Variants in GNAQ observed in about 807,000 individuals in gnomAD.
The protein encoded by GNAQ is guanine nucleotide-binding protein G(q) subunit alpha.
A neutral mutation model predicts 43.9 loss-of-function variants in GNAQ; 8 were observed. That is an observed-to-expected ratio of 0.18 (90% confidence interval 0.11 to 0.33). The LOEUF is 0.33. Ranked by LOEUF, GNAQ falls within the 10% of genes least tolerant of loss-of-function variation. The pLI, the probability that GNAQ is intolerant of heterozygous loss-of-function variation, is 1.00. For synonymous variants in GNAQ, 155 were observed against 170.7 expected (o/e 0.91, Z 0.71); for missense variants, 158 against 450.8 (o/e 0.35, Z 5.88).
At chr9:77,860,268 C>T (rs1289245236) in intron 2 of GNAQ, among the ~76,000 whole-genome samples, 1 of 152,090 alleles carries the variant, frequency 6.6e-6, no homozygotes, top group Non-Finnish European at 1.5e-5. Context: ...TTTCTCTGTG[C>T]TCTCTTAGTC....
intron 1 of GNAQ, among the ~76,000 whole-genome samples, chr9:77,956,238 A>G (rs1823038882): frequency 6.6e-6 from 1 of 152,152 alleles, no homozygotes; most frequent in Non-Finnish European, 1.5e-5. Flanking sequence ...TTCATCTTAC[A>G]CTAATTAGAC....
intron 2 of GNAQ, among the ~76,000 whole-genome samples, chr9:77,861,783 C>T (rs767438511): frequency 2.0e-4 from 31 of 151,998 alleles, no homozygotes; most frequent in East Asian, 5.8e-4. Context: ...CAGGGGGTCA[C>T]GAGGTCAGGA....
At chr9:77,992,482 CT>C (rs1326103507) in intron 1 of GNAQ, among the ~76,000 whole-genome samples, 1 of 151,470 alleles carries the variant, frequency 6.6e-6, no homozygotes, top group East Asian at 1.9e-4. Flanking sequence ...CCTTCTTGGA[CT>C]TTTGAGAGAC....
chr9:77,877,001 T>A (rs938106943), intron 2 of GNAQ, among the ~76,000 whole-genome samples: 1 of 128,366 alleles, frequency 7.8e-6, no homozygotes, highest in Non-Finnish European at 1.8e-5. Flanking sequence ...CAATTAAATA[T>A]AATATAACAA....
chr9:78,004,930 G>A (rs771126243), intron 1 of GNAQ, among the ~76,000 whole-genome samples: 8 of 152,084 alleles, frequency 5.3e-5, no homozygotes, highest in Admixed American at 1.3e-4. Context: ...AAGGCAAGCA[G>A]TAAGGAATAA....
intron 6 of GNAQ, among the ~76,000 whole-genome samples, chr9:77,725,071 G>A (rs939766417): frequency 3.9e-5 from 6 of 151,942 alleles, no homozygotes; most frequent in Admixed American, 6.6e-5. Flanking sequence ...TGGGAAGGAA[G>A]GGACTATACC....
At chr9:77,982,690 A>C (rs1365817204) in intron 1 of GNAQ, among the ~76,000 whole-genome samples, 1 of 151,680 alleles carries the variant, frequency 6.6e-6, no homozygotes, top group Non-Finnish European at 1.5e-5. Context: ...ATGCATTCTC[A>C]TTAATGAATC....
chr9:77,887,141 ATAAAATAAAG>A (rs1267876241), intron 2 of GNAQ, among the ~76,000 whole-genome samples: 2 of 151,986 alleles, frequency 1.3e-5, no homozygotes, highest in African/African-American at 2.4e-5. Flanking sequence ...ATAAAGTAAA[ATAAAATAAAG>A]TAAAATAAAA....
At chr9:77,972,543 C>T (rs971275441) in intron 1 of GNAQ, among the ~76,000 whole-genome samples, 1 of 151,984 alleles carries the variant, frequency 6.6e-6, no homozygotes, top group Non-Finnish European at 1.5e-5. Flanking sequence ...TAAGTAAGTA[C>T]TAGTTACAAG....
intron 2 of GNAQ, among the ~76,000 whole-genome samples, chr9:77,834,069 CA>C (rs1827344224): frequency 6.6e-6 from 1 of 152,050 alleles, no homozygotes; most frequent in African/African-American, 2.4e-5. Flanking sequence ...TTTAGAAATT[CA>C]ATGTCTAAAT....
chr9:77,810,570 C>G (rs188635585), intron 3 of GNAQ, among the ~76,000 whole-genome samples: 92 of 152,296 alleles, frequency 6.0e-4, no homozygotes, highest in African/African-American at 2.0e-3. Context: ...TAAGGCTTTT[C>G]ATATCCCAGA....
At chr9:77,856,478 C>A (rs924561409) in intron 2 of GNAQ, among the ~76,000 whole-genome samples, 7 of 152,128 alleles carry the variant, frequency 4.6e-5, no homozygotes, top group African/African-American at 1.7e-4. Context: ...GAAACTAGGA[C>A]TTTCTTCTAG....
chr9:77,767,019 A>G (rs1416832101), intron 5 of GNAQ, among the ~76,000 whole-genome samples: 1 of 152,082 alleles, frequency 6.6e-6, no homozygotes, highest in Non-Finnish European at 1.5e-5. Context: ...GAGATTTTGG[A>G]CAAACTAAAT....
chr9:77,919,179 G>GT (rs1203743929), intron 2 of GNAQ, among the ~76,000 whole-genome samples: 1 of 152,076 alleles, frequency 6.6e-6, no homozygotes, highest in African/African-American at 2.4e-5. Context: ...CTTAGCCTCC[G>GT]TAAGTGCTAG....
In GNAQ at chr9:78,030,662, G is replaced by A. The variant is rs570217247; in HGVS notation, c.136+438C>T. ...CCCCGGCTCCGCTCGCCACCCGCTGGGCCACACACACGGCTCCCCACGCCA... is the reference window on the plus strand; with the variant it reads ...CCCCGGCTCCGCTCGCCACCCGCTGAGCCACACACACGGCTCCCCACGCCA... On this transcript the variant is annotated intron_variant, in intron 1 of 6. Transcript: ENST00000286548. 3.6e-4 allele frequency: 154 copies of A among 422,616 alleles called. 2 individuals carry two copies. The highest frequency in any genetic ancestry group is 1.7e-3 in the South Asian group (96 of 56,444). The allele number at this position is 422,616 out of a possible 1,614,324, so 26.2% of individuals were successfully genotyped here.
intron 1 of GNAQ, among the ~76,000 whole-genome samples, chr9:78,026,261 G>A (rs1424292456): frequency 6.6e-6 from 1 of 152,086 alleles, no homozygotes; most frequent in Non-Finnish European, 1.5e-5. Flanking sequence ...GTAAGGATGG[G>A]ACATTATATG....
chr9:77,786,104 G>A (rs111824750), intron 5 of GNAQ, among the ~76,000 whole-genome samples: 2,990 of 152,174 alleles, frequency 0.02, 100 homozygotes, highest in African/African-American at 0.068. Flanking sequence ...CAAGCCAGGC[G>A]CGGTGGCTCA....
chr9:77,923,732 C>T (rs1294807337), intron 1 of GNAQ, among the ~76,000 whole-genome samples: 1 of 151,418 alleles, frequency 6.6e-6, no homozygotes, highest in Non-Finnish European at 1.5e-5. Context: ...CATCAGGGTC[C>T]TTAATGCCAT....
intron 4 of GNAQ, among the ~76,000 whole-genome samples, chr9:77,796,170 A>C (rs1396214135): frequency 2.0e-5 from 3 of 152,194 alleles, no homozygotes; most frequent in Admixed American, 6.5e-5. Flanking sequence ...TGAGGCTCAG[A>C]AATAGTTTCA....
Sources: gnomAD v4.1 joint callset for allele counts (sites outside exome capture counted in the v4.1 genomes callset) on GRCh38, gnomAD v4.1.1 for gene constraint, MANE v1.5 for transcripts, NCBI Gene and HGNC (gene_info 2026-07-23, HGNC 2026-07-21) for gene names.